Variants in MACROD2 observed in about 807,000 individuals in gnomAD.
The protein encoded by MACROD2 is mono-ADP ribosylhydrolase 2, also known as ADP-ribose glycohydrolase MACROD2.
A neutral mutation model predicts 70.4 loss-of-function variants in MACROD2; 36 were observed. That is an observed-to-expected ratio of 0.51 (90% CI 0.39 to 0.68). MACROD2 has a LOEUF of 0.68. Ranked by LOEUF, MACROD2 falls within the 30% of genes least tolerant of loss-of-function variation. MACROD2 has a pLI of 0.00. For synonymous variants in MACROD2, 172 were observed against 178.8 expected, an observed-to-expected ratio of 0.96 and a Z score of 0.30; for missense variants, 496 against 538.4, an observed-to-expected ratio of 0.92 and a Z score of 0.78.
At chr20:14,493,415 T>G in intron 3 of MACROD2, 64 bp from the exon 4 acceptor site, 1 of 1,348,680 alleles carries the variant, frequency 7.4e-7, no homozygotes, top group South Asian at 1.2e-5. Flanking sequence ...CTTGAATTAC[T>G]CTGATATACT....
At chr20:14,945,291 T>A (rs2074422585) in intron 5 of MACROD2, among the ~76,000 whole-genome samples, 1 of 152,016 alleles carries the variant, frequency 6.6e-6, no homozygotes. Flanking sequence ...TTTGCCAGGC[T>A]GGTCCTGAAC....
At chr20:15,740,372 G>A (rs750718882) in intron 8 of MACROD2, among the ~76,000 whole-genome samples, 14 of 152,028 alleles carry the variant, frequency 9.2e-5, no homozygotes, top group Non-Finnish European at 1.8e-4. Flanking sequence ...TCTATAGCAG[G>A]GTCTTAGTCA....
intron 3 of MACROD2, among the ~76,000 whole-genome samples, chr20:14,403,871 A>G (rs1035435324): frequency 2.6e-5 from 4 of 152,126 alleles, no homozygotes; most frequent in Non-Finnish European, 5.9e-5. Context: ...TTCATAAAAC[A>G]TGCAAGAGCC....
At chr20:14,159,150 A>G (rs897300183) in intron 3 of MACROD2, among the ~76,000 whole-genome samples, 48 of 152,324 alleles carry the variant, frequency 3.2e-4, no homozygotes, top group African/African-American at 1.1e-3. Context: ...AGGCAGGAGA[A>G]TCACTTGAAC....
chr20:14,559,826 C>T (rs1428002678), intron 4 of MACROD2, among the ~76,000 whole-genome samples: 3 of 151,706 alleles, frequency 2.0e-5, no homozygotes, highest in South Asian at 2.1e-4. Context: ...TGGGAAATAC[C>T]AGGATTCTCA....
chr20:14,638,267 C>T (rs1438422668), intron 4 of MACROD2, among the ~76,000 whole-genome samples: 2 of 152,190 alleles, frequency 1.3e-5, no homozygotes, highest in African/African-American at 4.8e-5. Flanking sequence ...ACATTTCATA[C>T]TTACAAAAGA....
chr20:14,767,379 G>A (rs1423348818), intron 5 of MACROD2, among the ~76,000 whole-genome samples: 1 of 152,052 alleles, frequency 6.6e-6, no homozygotes, highest in Non-Finnish European at 1.5e-5. Flanking sequence ...TGTGTGGACA[G>A]TGAAAATGAT....
At chr20:15,208,422 T>C (rs952514577) in intron 5 of MACROD2, among the ~76,000 whole-genome samples, 1 of 152,228 alleles carries the variant, frequency 6.6e-6, no homozygotes, top group Admixed American at 6.5e-5. Context: ...GTTGGGTCTG[T>C]TGATTGCCTA....
Position 14,117,065 on chromosome 20 carries a change from C to CAA in MACROD2, c.271+31354_271+31355dup, listed in dbSNP as rs11470818. 2.8e-3 allele frequency among the ~76,000 whole-genome samples: 369 copies of CAA among 131,120 alleles called. 1 individual carries two copies. The highest frequency in any genetic ancestry group is 9.7e-3 in the African/African-American group (346 of 35,806). 86.0% of individuals were successfully genotyped at this position (131,120 alleles called of 152,430 possible). A position where few individuals can be genotyped will look rare whatever the true frequency, so the allele number is the denominator to read the frequency against. ...CTGGCGACAGAACAAGACTCCATCT[C>CAA]AAAAAAAAAAAAAAAAAATGTACAG... On this transcript the variant is annotated intron_variant, in intron 3 of 17. Transcript: ENST00000684519.
At chr20:14,462,915 C>T (rs968181647) in intron 3 of MACROD2, among the ~76,000 whole-genome samples, 2 of 151,988 alleles carry the variant, frequency 1.3e-5, no homozygotes, top group Non-Finnish European at 2.9e-5. Flanking sequence ...GGTACCAGTA[C>T]CATGCTGTTT....
intron 5 of MACROD2, among the ~76,000 whole-genome samples, chr20:15,226,669 G>A (rs1377466467): frequency 6.6e-6 from 1 of 152,012 alleles, no homozygotes; most frequent in Non-Finnish European, 1.5e-5. Context: ...ATAGTCAAAA[G>A]CCTATGAGCT....
chr20:14,153,874 T>C (rs1289278532), intron 3 of MACROD2, among the ~76,000 whole-genome samples: 2 of 152,204 alleles, frequency 1.3e-5, no homozygotes, highest in African/African-American at 4.8e-5. Context: ...TTATGTAGTA[T>C]CAGAAAGGAA....
chr20:14,531,365 C>T (rs747788770), intron 4 of MACROD2, among the ~76,000 whole-genome samples: 6 of 151,942 alleles, frequency 3.9e-5, no homozygotes, highest in Non-Finnish European at 8.8e-5. Flanking sequence ...ACACAGTATC[C>T]CAGAGGACAA....
chr20:15,825,651 CA>C (rs1280044178), intron 8 of MACROD2, among the ~76,000 whole-genome samples: 1 of 152,146 alleles, frequency 6.6e-6, no homozygotes, highest in East Asian at 1.9e-4. Context: ...AAGTTGTTCC[CA>C]GCAATAGATA....
intron 5 of MACROD2, among the ~76,000 whole-genome samples, chr20:14,708,172 G>A (rs11697103): frequency 0.18 from 27,395 of 152,202 alleles, 2,941 homozygotes; most frequent in Non-Finnish European, 0.24. Flanking sequence ...ACATTAACTA[G>A]TAATAGCATT....
intron 8 of MACROD2, among the ~76,000 whole-genome samples, chr20:15,719,252 G>A (rs1196616224): frequency 1.3e-5 from 2 of 152,084 alleles, no homozygotes; most frequent in African/African-American, 4.8e-5. Flanking sequence ...CTGTTAAAAG[G>A]GATTTTGAAC....
At chr20:14,921,990 G>T (rs1264413413) in intron 5 of MACROD2, among the ~76,000 whole-genome samples, 1 of 152,142 alleles carries the variant, frequency 6.6e-6, no homozygotes, top group Non-Finnish European at 1.5e-5. Flanking sequence ...ATCTAAAGGA[G>T]TAGTTCTTCT....
intron 3 of MACROD2, among the ~76,000 whole-genome samples, chr20:14,119,159 ATTTTTTTTTT>A (rs1181793101): frequency 2.6e-4 from 15 of 56,738 alleles, no homozygotes; most frequent in East Asian, 1.2e-3. Context: ...AATGACTGTG[ATTTTTTTTTT>A]TTTTTTTTTT....
intron 6 of MACROD2, among the ~76,000 whole-genome samples, chr20:15,275,468 C>T (rs1305976418): frequency 6.6e-6 from 1 of 152,188 alleles, no homozygotes; most frequent in Non-Finnish European, 1.5e-5. Context: ...TGGCATCTAA[C>T]AAATCTTGCT....
Sources: allele counts gnomAD v4.1 joint callset (sites outside exome capture counted in the v4.1 genomes callset), GRCh38; gene constraint gnomAD v4.1.1; transcripts MANE v1.5; gene names NCBI Gene and HGNC (gene_info 2026-07-23, HGNC 2026-07-21).